Variants in DNAJC16 observed in about 807,000 individuals in gnomAD.
DNAJC16 encodes the protein DnaJ heat shock protein family (Hsp40) member C16.
In DNAJC16, 76 loss-of-function variants were observed where a neutral mutation model predicts 92.7. The observed-to-expected ratio is 0.82, with a 90% CI of 0.68 to 0.99. The LOEUF (loss-of-function observed/expected upper bound fraction) is 0.99, where lower values mean the gene tolerates loss of function less well. DNAJC16 is among the 50% of genes least tolerant of loss of function. The probability of loss-of-function intolerance (pLI) is 0.00; values close to 1 mark genes in which losing one functional copy is unlikely to be tolerated. For synonymous variants in DNAJC16, 328 were observed against 358.7 expected (o/e 0.91, Z 0.97); for missense variants, 869 against 942.4 (o/e 0.92, Z 1.02).
At chr1:15,540,902 G>A (rs1172958769) in intron 4 of DNAJC16, among the ~76,000 whole-genome samples, 1 of 152,188 alleles carries the variant, frequency 6.6e-6, no homozygotes, top group Non-Finnish European at 1.5e-5. Context: ...GTCAGTCACT[G>A]AGAAATTGAT....
At chr1:15,535,908 G>A (rs1006996854) in intron 3 of DNAJC16, among the ~76,000 whole-genome samples, 1 of 150,684 alleles carries the variant, frequency 6.6e-6, no homozygotes, top group African/African-American at 2.4e-5. Flanking sequence ...AGGACTATAG[G>A]CACGCACCAC....
In DNAJC16 at chr1:15,570,368, G is replaced by A. The variant is rs1243414023; in HGVS notation, c.*2191G>A. ...TTTCTGAAAACCAAAAACTCTCCAAGTGTATTTATTTATATTTTTTTTAAT... is the reference window on the plus strand; with the variant it reads ...TTTCTGAAAACCAAAAACTCTCCAAATGTATTTATTTATATTTTTTTTAAT... On this transcript the variant is annotated 3_prime_UTR_variant, in exon 15 of 15. Transcript: ENST00000375847. 6.6e-6 allele frequency: 1 copy of A among 152,032 alleles called. No individual in the cohort carries two copies. 9.4% of individuals were successfully genotyped at this position (152,032 alleles called of 1,614,324 possible).
At chr1:15,557,616 G>A (rs189656317) in intron 7 of DNAJC16, among the ~76,000 whole-genome samples, 2 of 151,732 alleles carry the variant, frequency 1.3e-5, no homozygotes, top group Non-Finnish European at 2.9e-5. Flanking sequence ...TATGTTAATT[G>A]TAAAATTCCC....
rs1021552611 is a variant in DNAJC16 at position 15,529,333 on chromosome 1, T to C, written c.167+61T>C. The C allele has an allele frequency of 3.4e-6, 5 of 1,487,870 alleles. No individual in the cohort carries two copies. The Admixed American group carries it at 1.1e-4, about 32-fold the overall frequency. 92.2% of individuals were successfully genotyped at this position (1,487,870 alleles called of 1,614,324 possible). Reference sequence around the variant, plus strand: ...CTAAACAGTCTTAGCAGGGATGAAGTCTAAATTATGACTAGCTTTTATTTG... The same window carrying C: ...CTAAACAGTCTTAGCAGGGATGAAGCCTAAATTATGACTAGCTTTTATTTG... On this transcript the variant is annotated intron_variant, in intron 2 of 14. Coordinates refer to ENST00000375847, the MANE Select transcript of DNAJC16 (RefSeq NM_015291.4).
intron 8 of DNAJC16, among the ~76,000 whole-genome samples, chr1:15,560,862 G>T (rs1175039751): frequency 1.3e-5 from 2 of 151,522 alleles, no homozygotes; most frequent in Admixed American, 1.3e-4. Context: ...TAGTCTCTCT[G>T]CTCCATTCCA....
At chr1:15,545,195 G>C (rs1638269270) in intron 5 of DNAJC16, among the ~76,000 whole-genome samples, 1 of 151,846 alleles carries the variant, frequency 6.6e-6, no homozygotes, top group African/African-American at 2.4e-5. Context: ...TCTTAATTTA[G>C]GGATCAAAGT....
At chr1:15,561,206 A>G (rs1458877128) in intron 8 of DNAJC16, among the ~76,000 whole-genome samples, 1 of 151,874 alleles carries the variant, frequency 6.6e-6, no homozygotes, top group Non-Finnish European at 1.5e-5. Context: ...TGAGGGCAAT[A>G]ATATTGTCTA....
At chr1:15,562,460 C>A in intron 9 of DNAJC16, 135 bp downstream of exon 9, 1 of 969,426 alleles carries the variant, frequency 1.0e-6, no homozygotes, top group Non-Finnish European at 1.4e-6. Flanking sequence ...TCAAAGTCTA[C>A]TCTTTTGTTT....
intron 4 of DNAJC16, among the ~76,000 whole-genome samples, chr1:15,543,561 G>T (rs1279954972): frequency 2.0e-5 from 3 of 152,194 alleles, no homozygotes; most frequent in African/African-American, 7.2e-5. Flanking sequence ...TCTTTGCAGG[G>T]TTTGGGCAGA....
intron 3 of DNAJC16, among the ~76,000 whole-genome samples, chr1:15,534,711 AAAAAT>A (rs572557048): frequency 2.2e-3 from 340 of 152,274 alleles, no homozygotes; most frequent in African/African-American, 7.6e-3. Flanking sequence ...GACCGTCTCA[AAAAAT>A]AAAATAAAAT....
At chr1:15,563,646 T>A (rs1449305404) in intron 9 of DNAJC16, among the ~76,000 whole-genome samples, 1 of 120,284 alleles carries the variant, frequency 8.3e-6, no homozygotes, top group African/African-American at 3.3e-5. Context: ...GCTAGCATGG[T>A]GAAACCCCAT....
At position 15,568,424 on chromosome 1, in the gene DNAJC16, A is replaced by G. The variant is rs1638869618; in HGVS notation, c.*247A>G. On this transcript the variant is annotated 3_prime_UTR_variant, in exon 15 of 15. Transcript: ENST00000375847. ...ATTTTTCCCCACTGAATGCCACACC[A>G]TTGAAAATAGACTGCTCATCCCCTC... 3.7e-6 allele frequency: 2 copies of G among 539,256 alleles called. No individual in the cohort carries two copies. The highest frequency in any genetic ancestry group is 2.9e-5 in the South Asian group (1 of 34,304). 33.4% of individuals were successfully genotyped at this position (539,256 alleles called of 1,614,324 possible).
intron 4 of DNAJC16, among the ~76,000 whole-genome samples, chr1:15,537,121 G>C (rs970661396): frequency 6.6e-6 from 1 of 152,204 alleles, no homozygotes; most frequent in African/African-American, 2.4e-5. Flanking sequence ...ACAGTACTGG[G>C]ATGTCAGGTG....
At chr1:15,550,938 C>T (rs940061479) in intron 7 of DNAJC16, among the ~76,000 whole-genome samples, 3 of 152,164 alleles carry the variant, frequency 2.0e-5, no homozygotes, top group Non-Finnish European at 4.4e-5. Flanking sequence ...GGCATGATCT[C>T]GGCTCACTGC....
chr1:15,556,747 G>A (rs1258539665), intron 7 of DNAJC16, among the ~76,000 whole-genome samples: 2 of 152,006 alleles, frequency 1.3e-5, no homozygotes, highest in Non-Finnish European at 2.9e-5. Context: ...TGTAGTAATC[G>A]GGGGCTGTCC....
rs146363675 is a variant in DNAJC16, at chr1:15,555,372, C to G, written c.1024-4154C>G. Among the ~76,000 whole-genome samples the G allele has an allele frequency of 9.0e-3, 1,232 of 136,912 alleles. 85 individuals carry two copies. The East Asian group carries it at 0.2, about 22-fold the overall frequency. The allele number at this position is 136,912 out of a possible 152,430, so 89.8% of individuals were successfully genotyped here. On this transcript the variant is annotated intron_variant, in intron 7 of 14. Coordinates refer to ENST00000375847, the MANE Select transcript of DNAJC16 (RefSeq NM_015291.4). ...ACTGCACTCCAGCCTGGCTACAGAG[C>G]AAGACTCCATCTCAAAAAAAAAAAA...
intron 11 of DNAJC16, 78 bp downstream of exon 11, chr1:15,564,437 CATT>C (rs1638764473): frequency 3.1e-6 from 3 of 977,972 alleles, no homozygotes; most frequent in Admixed American, 3.5e-5. Flanking sequence ...AAGAGTTCAT[CATT>C]ATTAAATTTC....
At chr1:15,554,325 A>G (rs1638518584) in intron 7 of DNAJC16, among the ~76,000 whole-genome samples, 1 of 152,168 alleles carries the variant, frequency 6.6e-6, no homozygotes, top group Admixed American at 6.5e-5. Flanking sequence ...CCATGAATAT[A>G]TTATTGTATT....
At chr1:15,527,437 A>G (rs1051300410) in intron 1 of DNAJC16, among the ~76,000 whole-genome samples, 8 of 152,252 alleles carry the variant, frequency 5.3e-5, no homozygotes, top group Admixed American at 3.3e-4. Context: ...CTCTGGGCTC[A>G]GTAAACCCTT....
Sources: allele counts gnomAD v4.1 joint callset (sites outside exome capture counted in the v4.1 genomes callset), GRCh38; gene constraint gnomAD v4.1.1; transcripts MANE v1.5; gene names NCBI Gene and HGNC (gene_info 2026-07-23, HGNC 2026-07-21).